Variants in FMN2 observed in about 807,000 individuals in gnomAD.
FMN2 encodes the protein formin-2.
Under a neutral mutation model 142.3 loss-of-function variants are expected in FMN2, and 51 were observed. That is an observed-to-expected ratio of 0.36 (90% CI 0.29 to 0.45). The LOEUF (loss-of-function observed/expected upper bound fraction) is 0.45. FMN2 is among the 20% of genes least tolerant of loss of function. The pLI, the probability that FMN2 is intolerant of heterozygous loss-of-function variation, is 1.00. For synonymous variants in FMN2, 882 were observed against 869.8 expected, an observed-to-expected ratio of 1.01 and a Z score of -0.25; for missense variants, 1,936 against 2,122.8, an observed-to-expected ratio of 0.91 and a Z score of 1.73.
At chr1:240,312,592 C>T (rs921757427) in intron 8 of FMN2, among the ~76,000 whole-genome samples, 20 of 152,132 alleles carry the variant, frequency 1.3e-4, no homozygotes, top group Admixed American at 1.2e-3. Flanking sequence ...GCAGTTAGAA[C>T]GCTACCCTTG....
intron 2 of FMN2, chr1:240,142,929 A>G: frequency 6.2e-7 from 1 of 1,605,784 alleles, no homozygotes; most frequent in Non-Finnish European, 8.5e-7. Flanking sequence ...CATGGCAGCC[A>G]CCAGCCCATA....
intron 2 of FMN2, among the ~76,000 whole-genome samples, chr1:240,152,234 C>G (rs1457471745): frequency 6.6e-6 from 1 of 151,876 alleles, no homozygotes; most frequent in East Asian, 1.9e-4. Flanking sequence ...AGTCCTGATC[C>G]TCTGTCTTCT....
chr1:240,343,211 C>T (rs1380467813), intron 13 of FMN2, among the ~76,000 whole-genome samples: 1 of 152,196 alleles, frequency 6.6e-6, no homozygotes, highest in Non-Finnish European at 1.5e-5. Context: ...GCCAGTAATT[C>T]TGATATGTCT....
rs190432432 is a variant in FMN2, at chr1:240,170,711, G to A, written c.1783-7210G>A. The A allele has an allele frequency of 2.3e-5, 35 of 1,552,190 alleles. No individual in the cohort carries two copies. The East Asian group carries it at 7.9e-4, about 35-fold the overall frequency. ...GGTTGTGGCATTTCAGCTGGTTATG[G>A]TGCTGCTGTGAACACTGTCAAGGTG... is the stretch of plus-strand genomic sequence containing the variant. On this transcript the variant is annotated intron_variant, in intron 2 of 17. Coordinates refer to ENST00000319653, the MANE Select transcript of FMN2 (RefSeq NM_020066.5).
At chr1:240,143,153 C>T (rs768722846) in intron 2 of FMN2, 67 of 1,576,510 alleles carry the variant, frequency 4.2e-5, no homozygotes, top group South Asian at 2.2e-4. Context: ...ATTGAGCTAA[C>T]TGGCGCAACA....
intron 13 of FMN2, among the ~76,000 whole-genome samples, chr1:240,355,207 C>T (rs1459931301): frequency 1.3e-5 from 2 of 152,106 alleles, no homozygotes; most frequent in Non-Finnish European, 2.9e-5. Context: ...AATAAGTCTA[C>T]TTTATGGGCT....
chr1:240,206,210 C>T (rs1280025064), intron 4 of FMN2, among the ~76,000 whole-genome samples: 3 of 151,970 alleles, frequency 2.0e-5, no homozygotes, highest in Non-Finnish European at 2.9e-5. Context: ...GGCCATCAGC[C>T]GTCTTTATAA....
At chr1:240,143,944 T>C (rs1485495389) in intron 2 of FMN2, 1 of 1,468,836 alleles carries the variant, frequency 6.8e-7, no homozygotes, top group South Asian at 1.1e-5. Flanking sequence ...TGGAACCAAG[T>C]CTCATGGTGT....
chr1:240,372,389 G>A (rs975044804), intron 14 of FMN2, among the ~76,000 whole-genome samples: 10 of 152,122 alleles, frequency 6.6e-5, no homozygotes, highest in Admixed American at 2.6e-4. Context: ...TGAAAGAGTA[G>A]CATGAGTAAT....
intron 8 of FMN2, among the ~76,000 whole-genome samples, chr1:240,306,243 C>T (rs966330813): frequency 2.3e-4 from 35 of 152,062 alleles, no homozygotes; most frequent in African/African-American, 5.1e-4. Flanking sequence ...CCACCGCACC[C>T]GGCTGCTTAT....
chr1:240,359,527 G>C (rs1222119826), intron 14 of FMN2, among the ~76,000 whole-genome samples: 1 of 152,022 alleles, frequency 6.6e-6, no homozygotes, highest in East Asian at 1.9e-4. Flanking sequence ...GTGGTCTGTG[G>C]TCCACACTCT....
At chr1:240,442,522 T>G (rs1675660039) in intron 16 of FMN2, among the ~76,000 whole-genome samples, 1 of 152,204 alleles carries the variant, frequency 6.6e-6, no homozygotes, top group South Asian at 2.1e-4. Flanking sequence ...AAATCACCCA[T>G]GTGATTAGCA....
intron 15 of FMN2, among the ~76,000 whole-genome samples, chr1:240,434,571 T>G (rs1308347467): frequency 4.0e-5 from 6 of 151,804 alleles, no homozygotes; most frequent in Non-Finnish European, 7.4e-5. Flanking sequence ...TTTTGTTTTT[T>G]GTTTTTTTGA....
At chr1:240,200,905 G>T (rs1041690027) in intron 4 of FMN2, among the ~76,000 whole-genome samples, 2 of 152,056 alleles carry the variant, frequency 1.3e-5, no homozygotes, top group Admixed American at 6.5e-5. Context: ...TGAATTTTTT[G>T]ACTCTTCCAC....
chr1:240,136,386 C>T (rs1209345295), intron 2 of FMN2, among the ~76,000 whole-genome samples: 1 of 152,034 alleles, frequency 6.6e-6, no homozygotes, highest in Non-Finnish European at 1.5e-5. Context: ...AGAATGCTTC[C>T]CAACAGTAAA....
chr1:240,280,081 A>G (rs758325906), intron 7 of FMN2, among the ~76,000 whole-genome samples: 2 of 151,676 alleles, frequency 1.3e-5, no homozygotes, highest in Non-Finnish European at 2.9e-5. Context: ...CTTCTCAGTC[A>G]TATGTTACAA....
intron 15 of FMN2, among the ~76,000 whole-genome samples, chr1:240,437,158 T>C (rs1675406501): frequency 6.6e-6 from 1 of 152,192 alleles, no homozygotes; most frequent in Non-Finnish European, 1.5e-5. Flanking sequence ...AGCTGTAATA[T>C]GAAGCAGCCT....
intron 6 of FMN2, among the ~76,000 whole-genome samples, 184 bp downstream of exon 6, chr1:240,211,419 A>G (rs906261952): frequency 7.9e-5 from 12 of 152,212 alleles, no homozygotes; most frequent in Admixed American, 2.6e-4. Flanking sequence ...ACAACACATA[A>G]TTATCTCCAT....
intron 7 of FMN2, among the ~76,000 whole-genome samples, chr1:240,271,098 G>GCTTTTTTTTTTTTTTTTTTTT (rs1233218686): frequency 2.8e-5 from 2 of 72,234 alleles, no homozygotes; most frequent in African/African-American, 1.3e-4. Flanking sequence ...TTCCACGATG[G>GCTTTTTTTTTTTTTTTTTTTT]TTTTTTTTTT....
Sources: allele counts gnomAD v4.1 joint callset (sites outside exome capture counted in the v4.1 genomes callset), GRCh38; gene constraint gnomAD v4.1.1; transcripts MANE v1.5; gene names NCBI Gene and HGNC (gene_info 2026-07-23, HGNC 2026-07-21).